Variants in ITGAV observed in about 807,000 individuals in gnomAD.
ITGAV encodes integrin alpha-V.
Under a neutral mutation model 143.8 loss-of-function variants are expected in ITGAV, and 76 were observed. The observed-to-expected ratio is 0.53, with a 90% confidence interval of 0.44 to 0.64. The LOEUF (loss-of-function observed/expected upper bound fraction) is 0.64. Among genes scored for constraint, ITGAV ranks in the 30% least tolerant of loss-of-function variants. The pLI, the probability that ITGAV is intolerant of heterozygous loss-of-function variation, is 0.00. For missense variants in ITGAV, 1,193 were observed against 1,274.7 expected, an observed-to-expected ratio of 0.94 and a Z score of 0.98; for synonymous variants, 453 against 446.7, an observed-to-expected ratio of 1.01 and a Z score of -0.18.
chr2:186,600,270 C>G (rs1195346250), intron 1 of ITGAV: 24 of 1,449,036 alleles, frequency 1.7e-5, no homozygotes, highest in Non-Finnish European at 2.3e-5. Flanking sequence ...TCACATATTC[C>G]CTCCATCTCT....
Position 186,640,956 on chromosome 2 carries a change from T to A in ITGAV, c.945T>A (p.Ile315=). The A allele has an allele frequency of 6.3e-7, 1 of 1,596,400 alleles. No individual in the cohort carries two copies. The highest frequency in any genetic ancestry group is 8.6e-7 in the Non-Finnish European group (1 of 1,168,572). Residue 315 remains isoleucine (I), a synonymous_variant, in exon 11 of 30, where the codon ATT becomes ATA. Transcript: ENST00000261023. ...GATTTTCTGTAGCTGCCACTGACAT[T>A]AATGGAGATGAGTAAGTTTAAAAAA... ...YFGFSVAATD[I]NGDDYADVFI...
At chr2:186,676,736 A>C (rs946125172) in intron 28 of ITGAV, 77 bp from the exon 29 acceptor site, 8 of 1,416,088 alleles carry the variant, frequency 5.6e-6, no homozygotes, top group Non-Finnish European at 6.7e-6. Context: ...ATTAAAATAA[A>C]ATATAATATT....
chr2:186,615,680 G>GT (rs148045979), intron 2 of ITGAV, among the ~76,000 whole-genome samples: 1,702 of 143,300 alleles, frequency 0.012, 28 homozygotes, highest in African/African-American at 0.036. Flanking sequence ...GGAGTTTTTC[G>GT]TTTTTTTTTT....
At chr2:186,649,951 T>C in intron 14 of ITGAV, 66 bp downstream of exon 14, 1 of 1,031,060 alleles carries the variant, frequency 9.7e-7, no homozygotes, top group Non-Finnish European at 1.4e-6. Context: ...TTTAATTAAG[T>C]GTCAGTGTTT....
intron 28 of ITGAV, 123 bp from the exon 29 acceptor site, chr2:186,676,689 AT>A: frequency 1.9e-6 from 2 of 1,063,032 alleles, no homozygotes; most frequent in South Asian, 3.7e-5. Context: ...AAACCACTAA[AT>A]TATCATATGC....
chr2:186,677,102 T>G (rs144097482), intron 29 of ITGAV, 95 bp from the exon 30 acceptor site: 33 of 1,269,998 alleles, frequency 2.6e-5, no homozygotes, highest in Non-Finnish European at 3.6e-5. Flanking sequence ...TGAAATACAA[T>G]TTAAATGTTC....
At chr2:186,607,722 GT>G (rs1258448361) in intron 2 of ITGAV, among the ~76,000 whole-genome samples, 3 of 152,160 alleles carry the variant, frequency 2.0e-5, no homozygotes, top group Non-Finnish European at 4.4e-5. Context: ...CTGGAAAATG[GT>G]TATTAAAACC....
At position 186,677,719 on chromosome 2, in the gene ITGAV, G is replaced by A. The variant is rs2105757778; in HGVS notation, c.*427G>A. On this transcript the variant is annotated 3_prime_UTR_variant, in exon 30 of 30. Coordinates refer to ENST00000261023, the MANE Select transcript of ITGAV (RefSeq NM_002210.5). ...CTTAGCAATCATGTCTTTTGTATAG[G>A]TACTTAATGTTAATACATATTACAC... The A allele has an allele frequency of 6.1e-6, 1 of 165,002 alleles. No individual in the cohort carries two copies. The highest frequency in any genetic ancestry group is 1.6e-4 in the South Asian group (1 of 6,190). 10.2% of individuals were successfully genotyped at this position (165,002 alleles called of 1,614,324 possible). A position where few individuals can be genotyped will look rare whatever the true frequency, so the allele number is the denominator to read the frequency against.
chr2:186,600,470 CTT>C (rs1686869506), intron 1 of ITGAV: 2 of 1,499,574 alleles, frequency 1.3e-6, no homozygotes, highest in Non-Finnish European at 1.8e-6. Flanking sequence ...CTTAGAGAGA[CTT>C]TCCTTTACCT....
Position 186,590,293 on chromosome 2 carries a change from G to T in ITGAV, c.-46G>T. The T allele has an allele frequency of 1.4e-6, 2 of 1,451,772 alleles. No individual in the cohort carries two copies. The highest frequency in any genetic ancestry group is 1.8e-6 in the Non-Finnish European group (2 of 1,101,474). 89.9% of individuals were successfully genotyped at this position (1,451,772 alleles called of 1,614,324 possible). ...ACTGGGCGCCTCGCTGGGGCGGGGG[G>T]AGGTGGCTACCGCTCCCGGCTTGGC... is the stretch of plus-strand genomic sequence containing the variant. On this transcript the variant is annotated 5_prime_UTR_variant, in exon 1 of 30. Transcript: ENST00000261023.
chr2:186,604,721 CTGAG>C (rs1288183356), intron 2 of ITGAV, among the ~76,000 whole-genome samples: 1 of 152,162 alleles, frequency 6.6e-6, no homozygotes, highest in Non-Finnish European at 1.5e-5. Context: ...AACAGTAAGA[CTGAG>C]TGTCTTCATA....
intron 2 of ITGAV, among the ~76,000 whole-genome samples, chr2:186,615,889 T>C (rs1001385312): frequency 6.6e-6 from 1 of 152,196 alleles, no homozygotes; most frequent in Non-Finnish European, 1.5e-5. Context: ...TTCATGAAGA[T>C]TTATTTCCTT....
Position 186,600,421 on chromosome 2 carries a change from A to G in ITGAV, c.186-1600A>G, listed in dbSNP as rs1686868343. 5 of 1,537,708 alleles carry G rather than the reference A, an allele frequency of 3.3e-6. No individual in the cohort carries two copies. In the Admixed American group the frequency reaches 5.9e-5, roughly 18 times the overall value. On this transcript the variant is annotated intron_variant, in intron 1 of 29. Coordinates refer to ENST00000261023, the MANE Select transcript of ITGAV (RefSeq NM_002210.5). ...AATAACTTCTCTGTCTACTTTATCT[A>G]AAAGAGAACTTTCTTCCCCATTCTT...
chr2:186,632,489 GAAA>G (rs1318358308), intron 5 of ITGAV, among the ~76,000 whole-genome samples: 1 of 151,646 alleles, frequency 6.6e-6, no homozygotes, highest in African/African-American at 2.4e-5. Flanking sequence ...ATTTGGAGGG[GAAA>G]AAAAATTTAT....
chr2:186,676,715 C>T (rs1574508237), intron 28 of ITGAV, 98 bp from the exon 29 acceptor site: 1 of 1,270,096 alleles, frequency 7.9e-7, no homozygotes, highest in Non-Finnish European at 1.1e-6. Context: ...AAAGAATATA[C>T]TGTGAATTCC....
At chr2:186,622,150 T>C (rs1442017526) in intron 2 of ITGAV, among the ~76,000 whole-genome samples, 189 bp from the exon 3 acceptor site, 1 of 152,234 alleles carries the variant, frequency 6.6e-6, no homozygotes, top group Non-Finnish European at 1.5e-5. Flanking sequence ...TTCTGGGTCA[T>C]CATGTATCCT....
chr2:186,652,638 A>G (rs1177921640), intron 15 of ITGAV, among the ~76,000 whole-genome samples: 1 of 152,248 alleles, frequency 6.6e-6, no homozygotes, highest in Non-Finnish European at 1.5e-5. Context: ...TCAAAAAGAA[A>G]GAAAAGCTAA....
At chr2:186,650,878 G>T (rs886474303) in intron 14 of ITGAV, among the ~76,000 whole-genome samples, 3 of 151,978 alleles carry the variant, frequency 2.0e-5, no homozygotes, top group African/African-American at 7.3e-5. Context: ...TATGTTCAGA[G>T]GTATTCTCCT....
intron 18 of ITGAV, 53 bp from the exon 19 acceptor site, chr2:186,663,715 A>G: frequency 7.8e-7 from 1 of 1,275,538 alleles, no homozygotes; most frequent in Non-Finnish European, 1.1e-6. Flanking sequence ...AACACTGCTT[A>G]TGCCACCTGC....
Sources: allele counts gnomAD v4.1 joint callset (sites outside exome capture counted in the v4.1 genomes callset), GRCh38; gene constraint gnomAD v4.1.1; transcripts MANE v1.5; gene names NCBI Gene and HGNC (gene_info 2026-07-23, HGNC 2026-07-21).